The following RGS9 variants were observed in gnomAD, a reference collection of about 807,000 sequenced individuals.
RGS9 encodes the protein regulator of G protein signaling 9, also known as regulator of G-protein signalling 9.
A neutral mutation model predicts 102.0 loss-of-function variants in RGS9; 78 were observed. The ratio of observed to expected loss-of-function variants is 0.76; its 90% confidence interval spans 0.64 to 0.92. RGS9 has a LOEUF of 0.92. RGS9 is among the 40% of genes least tolerant of loss of function. The pLI is 0.00. For missense variants in RGS9, 833 were observed against 866.1 expected (o/e 0.96, Z 0.48); for synonymous variants, 353 against 318.6 (o/e 1.11, Z -1.15).
chr17:65,137,643 C>A (rs1909959979), intron 1 of RGS9, 46 bp downstream of exon 1: 1 of 1,594,916 alleles, frequency 6.3e-7, no homozygotes, highest in African/African-American at 1.3e-5. Context: ...GGCGGGGGAC[C>A]GCATCTGCGA....
At chr17:65,189,759 G>A (rs990654420) in intron 10 of RGS9, among the ~76,000 whole-genome samples, 16 of 152,154 alleles carry the variant, frequency 1.1e-4, no homozygotes. Context: ...CTATCTGAAC[G>A]TGGAGGAAGG....
chr17:65,170,355 C>CTAAT (rs1911368174), intron 8 of RGS9, among the ~76,000 whole-genome samples: 2 of 152,166 alleles, frequency 1.3e-5, no homozygotes, highest in Non-Finnish European at 2.9e-5. Flanking sequence ...GCCTGGCCGC[C>CTAAT]TTCTGCATTC....
chr17:65,150,583 C>T (rs1598560575), intron 1 of RGS9, among the ~76,000 whole-genome samples: 1 of 152,144 alleles, frequency 6.6e-6, no homozygotes, highest in African/African-American at 2.4e-5. Context: ...GATCATGCCA[C>T]TGCACTCCAG....
At chr17:65,198,815 C>G (rs1912700777) in intron 13 of RGS9, among the ~76,000 whole-genome samples, 1 of 152,236 alleles carries the variant, frequency 6.6e-6, no homozygotes, top group African/African-American at 2.4e-5. Context: ...GCCTGGCTGA[C>G]TGCCGGATGC....
At chr17:65,200,184 A>G (rs962196523) in intron 13 of RGS9, among the ~76,000 whole-genome samples, 11 of 152,088 alleles carry the variant, frequency 7.2e-5, no homozygotes, top group African/African-American at 2.7e-4. Context: ...GGCGCCCGCC[A>G]CCACGGCCGG....
chr17:65,227,571 G>T lies in RGS9; in HGVS notation c.*164G>T. On this transcript the variant is annotated 3_prime_UTR_variant, in exon 19 of 19. Coordinates refer to ENST00000262406, the MANE Select transcript of RGS9 (RefSeq NM_003835.4). ...GTAGATTGTGGCAAAGAATGCTCTGGCTGGTTACCAGGGGCCAACTCCTTC... is the reference window on the plus strand; with the variant it reads ...GTAGATTGTGGCAAAGAATGCTCTGTCTGGTTACCAGGGGCCAACTCCTTC... The T allele has an allele frequency of 3.0e-6, 3 of 1,004,266 alleles. No homozygotes were observed. Among genetic ancestry groups the T allele is most frequent in the African/African-American group, 1.6e-5 (1 of 62,672 alleles). The allele number at this position is 1,004,266 out of a possible 1,614,324, so 62.2% of individuals were successfully genotyped here. A position where few individuals can be genotyped will look rare whatever the true frequency, so the allele number is the denominator to read the frequency against.
At chr17:65,226,600 T>C (rs1412954372) in intron 18 of RGS9, among the ~76,000 whole-genome samples, 3 of 151,062 alleles carry the variant, frequency 2.0e-5, no homozygotes, top group African/African-American at 7.4e-5. Context: ...AGAAGGCAGT[T>C]TTTTGTTTGT....
At chr17:65,217,402 C>T (rs544649931) in intron 17 of RGS9, among the ~76,000 whole-genome samples, 1 of 152,272 alleles carries the variant, frequency 6.6e-6, no homozygotes, top group East Asian at 1.9e-4. Context: ...TAGCATAGCC[C>T]ATCCTGCCGT....
intron 17 of RGS9, among the ~76,000 whole-genome samples, chr17:65,218,638 T>G (rs1275792283): frequency 6.6e-6 from 1 of 152,160 alleles, no homozygotes; most frequent in Non-Finnish European, 1.5e-5. Flanking sequence ...TGCTCAGAAA[T>G]AGCTCTCTCT....
At chr17:65,168,975 G>A (rs369621353) in intron 8 of RGS9, among the ~76,000 whole-genome samples, 61 of 152,316 alleles carry the variant, frequency 4.0e-4, no homozygotes, top group African/African-American at 1.4e-3. Context: ...GTTTCCTCCT[G>A]TACAGCTCCC....
rs183479288 is a variant in RGS9, at chr17:65,159,472, G to A, written c.206-761G>A. Among the ~76,000 whole-genome samples the A allele has an allele frequency of 3.9e-5, 6 of 152,236 alleles. No individual in the cohort carries two copies. In the East Asian group the frequency reaches 7.7e-4, roughly 20 times the overall value. ...GGACTTGGTCTTTGATGGAGGGAGC[G>A]AGACCTGGAGAGGGAGGGCTGGGGA... On this transcript the variant is annotated intron_variant, in intron 3 of 18. Coordinates refer to ENST00000262406, the MANE Select transcript of RGS9 (RefSeq NM_003835.4).
At chr17:65,194,979 C>A (rs1250012718) in intron 12 of RGS9, among the ~76,000 whole-genome samples, 1 of 152,236 alleles carries the variant, frequency 6.6e-6, no homozygotes, top group Non-Finnish European at 1.5e-5. Context: ...AAGGAGGCCA[C>A]TCCTCTGGAG....
At chr17:65,143,529 C>A (rs929503538) in intron 1 of RGS9, among the ~76,000 whole-genome samples, 4 of 152,120 alleles carry the variant, frequency 2.6e-5, no homozygotes, top group Non-Finnish European at 4.4e-5. Context: ...ACGCCTTTAT[C>A]CCAGCACTTT....
chr17:65,203,784 G>T (rs79449645), intron 14 of RGS9, among the ~76,000 whole-genome samples: 2,854 of 152,254 alleles, frequency 0.019, 88 homozygotes, highest in African/African-American at 0.065. Context: ...CAGAACACCT[G>T]TGTGAAGGTG....
At chr17:65,218,404 T>A (rs1348219456) in intron 17 of RGS9, among the ~76,000 whole-genome samples, 1 of 152,242 alleles carries the variant, frequency 6.6e-6, no homozygotes, top group Non-Finnish European at 1.5e-5. Context: ...TGAACACATC[T>A]CTGTCTTGTG....
At chr17:65,145,440 G>A (rs150983666) in intron 1 of RGS9, among the ~76,000 whole-genome samples, 2,062 of 151,934 alleles carry the variant, frequency 0.014, 47 homozygotes, top group African/African-American at 0.047. Context: ...CCAGGCTGGC[G>A]TGCAGTGGCT....
chr17:65,177,637 C>A (rs941021430), intron 8 of RGS9, 95 bp from the exon 9 acceptor site: 3 of 1,210,990 alleles, frequency 2.5e-6, no homozygotes, highest in Non-Finnish European at 3.7e-6. Flanking sequence ...CTTCTCAGCT[C>A]AATCTCACAA....
chr17:65,179,524 T>C (rs1014352260), intron 9 of RGS9, among the ~76,000 whole-genome samples: 1 of 152,018 alleles, frequency 6.6e-6, no homozygotes, highest in African/African-American at 2.4e-5. Flanking sequence ...GGAAACCTCT[T>C]TCCTGGGGAG....
At chr17:65,172,422 C>T (rs1459393289) in intron 8 of RGS9, among the ~76,000 whole-genome samples, 5 of 152,006 alleles carry the variant, frequency 3.3e-5, no homozygotes, top group Non-Finnish European at 7.4e-5. Context: ...CCAGGCTGGT[C>T]TCGAACTCCT....
Sources: gnomAD v4.1 joint callset for allele counts (sites outside exome capture counted in the v4.1 genomes callset) on GRCh38, gnomAD v4.1.1 for gene constraint, MANE v1.5 for transcripts, NCBI Gene and HGNC (gene_info 2026-07-23, HGNC 2026-07-21) for gene names.